ITGB1: variants seen among roughly 807,000 people sequenced by gnomAD.
The protein encoded by ITGB1 is integrin subunit beta 1.
In ITGB1, 24 loss-of-function variants were observed where a neutral mutation model predicts 86.5. The observed-to-expected ratio is 0.28, with a 90% CI of 0.20 to 0.39. ITGB1 has a LOEUF of 0.39. Among genes scored for constraint, ITGB1 ranks in the 10% least tolerant of loss-of-function variants. The pLI is 1.00. For missense variants in ITGB1, 556 were observed against 946.9 expected, an observed-to-expected ratio of 0.59 and a Z score of 5.42; for synonymous variants, 323 against 316.8, an observed-to-expected ratio of 1.02 and a Z score of -0.21.
chr10:32,925,719 G>C (rs1241648848), intron 6 of ITGB1, 152 bp downstream of exon 6: 8 of 633,250 alleles, frequency 1.3e-5, no homozygotes, highest in East Asian at 2.7e-5. Flanking sequence ...TATGTATACA[G>C]GCAATTTAAG....
intron 1 of ITGB1, among the ~76,000 whole-genome samples, chr10:32,945,730 A>G (rs946915127): frequency 1.3e-5 from 2 of 152,210 alleles, no homozygotes; most frequent in African/African-American, 4.8e-5. Context: ...AGCATTGTGG[A>G]GCATGGTGAT....
At position 32,922,740 on chromosome 10, in the gene ITGB1, G is replaced by T. The variant is rs1421574351; in HGVS notation, c.943-5C>A. 8.7e-6 allele frequency: 13 copies of T among 1,487,424 alleles called. No individual in the cohort carries two copies. The highest frequency in any genetic ancestry group is 1.7e-5 in the Admixed American group (1 of 57,410). 92.1% of individuals were successfully genotyped at this position (1,487,424 alleles called of 1,614,324 possible). On this transcript the variant is annotated splice_region_variant and splice_polypyrimidine_tract_variant and intron_variant, in intron 7 of 15. Coordinates refer to ENST00000302278, the MANE Select transcript of ITGB1 (RefSeq NM_002211.4). The stretch of plus-strand genomic sequence containing the variant: ...GTGAGCAATAGAAGGATAATCCTAA[G>T]AAATCAAGTAATATAATTTAGTATT...
chr10:32,956,700 T>C (rs903753797), intron 1 of ITGB1, among the ~76,000 whole-genome samples: 4 of 152,130 alleles, frequency 2.6e-5, no homozygotes, highest in African/African-American at 7.2e-5. Context: ...AGAGACCCTG[T>C]CTCAAAACAA....
chr10:32,915,266 A>G (rs2094927977), intron 11 of ITGB1, among the ~76,000 whole-genome samples: 1 of 152,238 alleles, frequency 6.6e-6, no homozygotes, highest in East Asian at 1.9e-4. Context: ...CTAGAGAAGC[A>G]AGAGCAAACA....
intron 1 of ITGB1, among the ~76,000 whole-genome samples, chr10:32,939,723 AGT>A (rs2095013404): frequency 3.4e-3 from 2 of 590 alleles, no homozygotes; most frequent in African/African-American, 6.2e-3. Context: ...TGGGTGGGTA[AGT>A]GAGTGAGTGA....
At chr10:32,945,342 G>A (rs1219947485) in intron 1 of ITGB1, among the ~76,000 whole-genome samples, 5 of 152,142 alleles carry the variant, frequency 3.3e-5, no homozygotes, top group Non-Finnish European at 7.4e-5. Flanking sequence ...GCTCATGCCT[G>A]TAATCCCAGC....
rs569789339 is a variant in ITGB1 at position 32,929,673 on chromosome 10, T to C, written c.376+149A>G. 229 of 604,480 alleles carry C rather than the reference T, an allele frequency of 3.8e-4. 1 individual carries two copies. Among genetic ancestry groups the C allele is most frequent in the Middle Eastern group, 2.4e-3 (7 of 2,876 alleles). 37.4% of individuals were successfully genotyped at this position (604,480 alleles called of 1,614,324 possible). ...CTTACAATTGTTATATCTGCAAAAA[T>C]TTTCTAAAATTTAAACAATTCCACA... On this transcript the variant is annotated intron_variant, in intron 4 of 15. Transcript: ENST00000302278.
rs762280075 is a variant in ITGB1, at chr10:32,935,607, A to C, written c.1-49T>G. On this transcript the variant is annotated intron_variant, in intron 1 of 15. Coordinates refer to ENST00000302278, the MANE Select transcript of ITGB1 (RefSeq NM_002211.4). Reference sequence around the variant, plus strand: ...ATTAGTTATAAAGAAATAAAATGAAAAATGCATTAAATAGAAAGTATTACC... The same window carrying C: ...ATTAGTTATAAAGAAATAAAATGAACAATGCATTAAATAGAAAGTATTACC... 5 of 1,289,806 alleles carry C rather than the reference A, an allele frequency of 3.9e-6. No homozygotes were observed. The Admixed American group carries it at 8.7e-5, about 22-fold the overall frequency. The allele number at this position is 1,289,806 out of a possible 1,614,324, so 79.9% of individuals were successfully genotyped here.
chr10:32,938,179 T>A (rs1456892314), intron 1 of ITGB1, among the ~76,000 whole-genome samples: 2 of 152,190 alleles, frequency 1.3e-5, no homozygotes, highest in Non-Finnish European at 2.9e-5. Context: ...AAAGGTTTAG[T>A]GTGTAGTAAA....
Position 32,911,658 on chromosome 10 carries a change from C to A in ITGB1, c.1721G>T (p.Cys574Phe). The change falls in exon 13 of 16, where the codon TGC becomes TTC. Residue 574 changes from cysteine to phenylalanine, a missense_variant. Around this residue, in one of 4 missense-constraint regions of ITGB1, gnomAD observed 330 missense variants for 531.5 expected, o/e 0.62. Coordinates refer to ENST00000302278, the MANE Select transcript of ITGB1 (RefSeq NM_002211.4). ...NGLICGGNGV[C>F]KCRVCECNPN... ...GTTGCACTCACACACACGACACTTG[C>A]AAACACCATTTCCTGCAATTAAGCA... The A allele has an allele frequency of 6.2e-7, 1 of 1,614,082 alleles. No homozygotes were observed. The highest frequency in any genetic ancestry group is 8.5e-7 in the Non-Finnish European group (1 of 1,179,920).
Position 32,920,238 on chromosome 10 carries a change from A to G in ITGB1, c.1269+7T>C. 6.2e-7 allele frequency: 1 copy of G among 1,613,020 alleles called. No homozygotes were observed. The highest frequency in any genetic ancestry group is 8.5e-7 in the Non-Finnish European group (1 of 1,179,354). ...GTTTTCTACAGAAAATGCTTTATAC[A>G]ACATACCTCATCTCCAATGGAAATA... On this transcript the variant is annotated splice_region_variant and intron_variant, in intron 10 of 15. Coordinates refer to ENST00000302278, the MANE Select transcript of ITGB1 (RefSeq NM_002211.4).
Position 32,925,999 on chromosome 10 carries a change from T to G in ITGB1, c.658A>C (p.Lys220Gln), listed in dbSNP as rs1445063392. ...TTATTAGTAAGACTGAGCACATTTTTGTAGCTAAATGGGCTGGTGCAGTTC... is the reference window on the plus strand; with the variant it reads ...TTATTAGTAAGACTGAGCACATTTTGGTAGCTAAATGGGCTGGTGCAGTTC... ...EQNCTSPFSY[K>Q]NVLSLTNKGE... The change falls in exon 6 of 16, where the codon AAA (lysine) becomes CAA (glutamine). Residue 220 changes from lysine (K) to glutamine (Q), a missense_variant. By Grantham distance (53) the Lys-to-Gln change is moderately conservative (BLOSUM62 1). Transcript: ENST00000302278. 1 of 1,613,898 alleles carries G rather than the reference T, an allele frequency of 6.2e-7. No individual in the cohort carries two copies. Among genetic ancestry groups the G allele is most frequent in the Non-Finnish European group, 8.5e-7 (1 of 1,179,752 alleles).
At chr10:32,902,956 C>G (rs1187878960) in intron 15 of ITGB1, among the ~76,000 whole-genome samples, 2 of 152,000 alleles carry the variant, frequency 1.3e-5, no homozygotes, top group Non-Finnish European at 2.9e-5. Context: ...GTGAAATTGA[C>G]TAGAAAAATT....
chr10:32,955,410 T>A (rs766233230), intron 1 of ITGB1, among the ~76,000 whole-genome samples: 1 of 152,222 alleles, frequency 6.6e-6, no homozygotes, highest in Non-Finnish European at 1.5e-5. Context: ...TGTTACATAT[T>A]CAGAAAGTTA....
chr10:32,925,368 A>G (rs1453734707), intron 6 of ITGB1, among the ~76,000 whole-genome samples: 1 of 152,228 alleles, frequency 6.6e-6, no homozygotes, highest in African/African-American at 2.4e-5. Flanking sequence ...CTAGAGCTTA[A>G]AAAGTTCTCT....
In ITGB1 at chr10:32,901,244, T is replaced by C. The variant is rs1398670483; in HGVS notation, c.*326A>G. On this transcript the variant is annotated 3_prime_UTR_variant, in exon 16 of 16. Transcript: ENST00000302278. Reference sequence around the variant, plus strand: ...AGAAACTCTCATCATGCTCATTACTTTAACTATTGCCCTTTCAATCGCTAT... The same window carrying C: ...AGAAACTCTCATCATGCTCATTACTCTAACTATTGCCCTTTCAATCGCTAT... 4.7e-6 allele frequency: 1 copy of C among 212,112 alleles called. No individual in the cohort carries two copies. The highest frequency in any genetic ancestry group is 2.5e-5 in the African/African-American group (1 of 40,754). The allele number at this position is 212,112 out of a possible 1,614,324, so 13.1% of individuals were successfully genotyped here.
At chr10:32,912,203 C>A in intron 11 of ITGB1, 79 bp from the exon 12 acceptor site, 1 of 1,082,706 alleles carries the variant, frequency 9.2e-7, no homozygotes, top group South Asian at 1.4e-5. Flanking sequence ...ACAGGAACAG[C>A]TCTAGTCTAC....
chr10:32,925,068 C>G (rs990035676), intron 6 of ITGB1, among the ~76,000 whole-genome samples: 2 of 152,030 alleles, frequency 1.3e-5, no homozygotes, highest in African/African-American at 2.4e-5. Context: ...GAAAAATAAC[C>G]ACTAAGAGGC....
In ITGB1 at chr10:32,945,800, A is replaced by C. The variant is rs551021017; in HGVS notation, c.1-10242T>G. The stretch of plus-strand genomic sequence containing the variant: ...TTCACAGATTTGTTGTAAGATACAA[A>C]TTCACTGCTGCCTTTACACTAATAA... On this transcript the variant is annotated intron_variant, in intron 1 of 15. Coordinates refer to ENST00000302278, the MANE Select transcript of ITGB1 (RefSeq NM_002211.4). 2.3e-4 allele frequency among the ~76,000 whole-genome samples: 35 copies of C among 152,360 alleles called. 1 individual carries two copies. In the South Asian group the frequency reaches 7.3e-3, roughly 32 times the overall value.
Sources: allele counts gnomAD v4.1 joint callset (sites outside exome capture counted in the v4.1 genomes callset), GRCh38; gene constraint gnomAD v4.1.1; regional missense constraint gnomAD v4.1.1; transcripts MANE v1.5; gene names NCBI Gene and HGNC (gene_info 2026-07-23, HGNC 2026-07-21).